Variants in ABLIM1 observed in about 807,000 individuals in gnomAD.
ABLIM1 encodes the protein actin binding LIM protein 1.
Under a neutral mutation model 107.0 loss-of-function variants are expected in ABLIM1, and 40 were observed. The observed-to-expected ratio is 0.37, with a 90% CI of 0.29 to 0.49. The LOEUF is 0.49. ABLIM1 is among the 20% of genes least tolerant of loss of function. The pLI, the probability that ABLIM1 is intolerant of heterozygous loss-of-function variation, is 0.97. For missense variants in ABLIM1, 857 were observed against 1,008.5 expected (o/e 0.85, Z 2.04); for synonymous variants, 357 against 357.3 (o/e 1.00, Z 0.01).
intron 1 of ABLIM1, among the ~76,000 whole-genome samples, chr10:114,706,629 T>C (rs943422259): frequency 1.3e-5 from 2 of 152,164 alleles, no homozygotes; most frequent in African/African-American, 2.4e-5. Flanking sequence ...TCCACACCAA[T>C]GTAATGAAGC....
the ABLIM1 span, among the ~76,000 whole-genome samples, chr10:114,774,952 C>T: frequency 6.6e-6 from 1 of 152,082 alleles, no homozygotes; most frequent in Non-Finnish European, 1.5e-5. Context: ...GTGTATTGTC[C>T]GTTCTCACAC....
At chr10:114,561,762 C>A (rs1035912010) in intron 4 of ABLIM1, among the ~76,000 whole-genome samples, 2 of 152,190 alleles carry the variant, frequency 1.3e-5, no homozygotes, top group African/African-American at 4.8e-5. Flanking sequence ...TCACATAAGA[C>A]ATATAACTGC....
the ABLIM1 span, among the ~76,000 whole-genome samples, chr10:114,789,190 G>A: frequency 3.3e-5 from 5 of 152,120 alleles, no homozygotes; most frequent in Non-Finnish European, 5.9e-5. Flanking sequence ...GGGAGATGGA[G>A]GTTGCAGTGA....
At chr10:114,780,175 A>C in the ABLIM1 span, among the ~76,000 whole-genome samples, 2 of 152,152 alleles carry the variant, frequency 1.3e-5, no homozygotes, top group Non-Finnish European at 2.9e-5. Context: ...AGGAAAAAGG[A>C]ATTTTGGCCT....
At chr10:114,476,737 T>A (rs1214490798) in intron 8 of ABLIM1, among the ~76,000 whole-genome samples, 1 of 151,856 alleles carries the variant, frequency 6.6e-6, no homozygotes, top group East Asian at 1.9e-4. Flanking sequence ...ACAATCAAAA[T>A]GTATTCCTCC....
chr10:114,624,437 C>T (rs1289344716), intron 1 of ABLIM1, among the ~76,000 whole-genome samples: 1 of 152,194 alleles, frequency 6.6e-6, no homozygotes, highest in Non-Finnish European at 1.5e-5. Context: ...ATTTGTCGTT[C>T]TTTAAAAGAA....
chr10:114,792,855 T>G, the ABLIM1 span, among the ~76,000 whole-genome samples: 2 of 152,180 alleles, frequency 1.3e-5, no homozygotes, highest in Non-Finnish European at 2.9e-5. Flanking sequence ...AATCTCATGT[T>G]GAAATGTAAT....
intron 1 of ABLIM1, among the ~76,000 whole-genome samples, chr10:114,741,588 C>T (rs145016334): frequency 3.7e-4 from 57 of 152,158 alleles, no homozygotes; most frequent in African/African-American, 1.3e-3. Context: ...ATCAAAAGAA[C>T]TTCCAATAAC....
chr10:114,710,475 C>T (rs139131864), intron 1 of ABLIM1, among the ~76,000 whole-genome samples: 1 of 152,288 alleles, frequency 6.6e-6, no homozygotes, highest in Admixed American at 6.5e-5. Flanking sequence ...TTATTCACTA[C>T]CACGAGAACA....
intron 4 of ABLIM1, among the ~76,000 whole-genome samples, chr10:114,552,967 G>A (rs1375173852): frequency 1.3e-5 from 2 of 152,166 alleles, no homozygotes; most frequent in Non-Finnish European, 2.9e-5. Context: ...AAGAAGCAAA[G>A]ACACAACTTG....
intron 1 of ABLIM1, among the ~76,000 whole-genome samples, chr10:114,669,558 T>A (rs1463323064): frequency 6.6e-6 from 1 of 152,232 alleles, no homozygotes; most frequent in East Asian, 1.9e-4. Context: ...CAGACCATGA[T>A]CTGCATCAAG....
chr10:114,453,617 A>G, intron 12 of ABLIM1, 134 bp from the exon 13 acceptor site: 1 of 737,426 alleles, frequency 1.4e-6, no homozygotes, highest in East Asian at 2.9e-5. Flanking sequence ...AAAGAAACAA[A>G]CTCAATTTAT....
intron 12 of ABLIM1, among the ~76,000 whole-genome samples, chr10:114,462,754 TA>T (rs398114789): frequency 2.4e-5 from 3 of 126,362 alleles, no homozygotes; most frequent in East Asian, 2.0e-4. Context: ...AACAAAATAA[TA>T]ATATATATAT....
In ABLIM1 at chr10:114,624,074, G is replaced by A. The variant is rs141359782; in HGVS notation, c.245-22113C>T. On this transcript the variant is annotated intron_variant, in intron 1 of 22. Transcript: ENST00000533213. The stretch of plus-strand genomic sequence containing the variant: ...CAGTTTGGGATAAACATACCTCTCG[G>A]TATGAGTCACCATCAGACAAACACA... Among the ~76,000 whole-genome samples the A allele has an allele frequency of 5.6e-4, 86 of 152,280 alleles. 1 individual carries two copies. The highest frequency in any genetic ancestry group is 2.2e-3 in the Admixed American group (34 of 15,284).
chr10:114,645,444 T>C (rs2078971961), intron 1 of ABLIM1, among the ~76,000 whole-genome samples: 1 of 152,138 alleles, frequency 6.6e-6, no homozygotes, highest in African/African-American at 2.4e-5. Flanking sequence ...TACTTGCTTT[T>C]AAGTTTTCCT....
chr10:114,763,038 C>T (rs373076204), intron 1 of ABLIM1, among the ~76,000 whole-genome samples: 4 of 152,232 alleles, frequency 2.6e-5, no homozygotes. Flanking sequence ...GGAATCTATC[C>T]ACACACACCT....
At chr10:114,750,143 A>G (rs1331196958) in intron 1 of ABLIM1, among the ~76,000 whole-genome samples, 1 of 152,170 alleles carries the variant, frequency 6.6e-6, no homozygotes, top group Non-Finnish European at 1.5e-5. Context: ...CTTAATAAAT[A>G]TTTGTGGAAT....
intron 14 of ABLIM1, 90 bp downstream of exon 14, chr10:114,451,534 C>G (rs1488639435): frequency 8.2e-7 from 1 of 1,217,548 alleles, no homozygotes; most frequent in African/African-American, 1.5e-5. Context: ...CTCTCAAAAG[C>G]AGCAGCAGGA....
At chr10:114,798,009 T>C in the ABLIM1 span, among the ~76,000 whole-genome samples, 8 of 152,220 alleles carry the variant, frequency 5.3e-5, no homozygotes, top group Non-Finnish European at 1.0e-4. Context: ...AATTACTTAT[T>C]TGCTATTTTA....
Sources: allele counts gnomAD v4.1 joint callset (sites outside exome capture counted in the v4.1 genomes callset), GRCh38; gene constraint gnomAD v4.1.1; transcripts MANE v1.5; gene names NCBI Gene and HGNC (gene_info 2026-07-23, HGNC 2026-07-21).